Variants in EPHA6 observed in about 807,000 individuals in gnomAD.
EPHA6 encodes the protein EPH receptor A6.
Under a neutral mutation model 112.0 loss-of-function variants are expected in EPHA6, and 50 were observed. The observed-to-expected ratio is 0.45, with a 90% CI of 0.36 to 0.56. EPHA6 has a LOEUF of 0.56. Among genes scored for constraint, EPHA6 ranks in the 20% least tolerant of loss-of-function variants. The pLI is 0.00. For synonymous variants in EPHA6, 529 were observed against 490.7 expected, an observed-to-expected ratio of 1.08 and a Z score of -1.03; for missense variants, 1,280 against 1,417.4, an observed-to-expected ratio of 0.90 and a Z score of 1.56.
At chr3:97,276,280 G>A (rs2080076710) in intron 5 of EPHA6, among the ~76,000 whole-genome samples, 3 of 152,182 alleles carry the variant, frequency 2.0e-5, no homozygotes, top group African/African-American at 7.2e-5. Context: ...GAAGGAGTCA[G>A]TCAGAGAGCC....
intron 3 of EPHA6, among the ~76,000 whole-genome samples, chr3:97,114,025 G>A (rs542173934): frequency 3.9e-5 from 6 of 152,100 alleles, no homozygotes; most frequent in Admixed American, 2.6e-4. Context: ...TCCTGATCAC[G>A]AGGAGGAGGT....
chr3:97,342,038 T>G (rs2083330551), intron 5 of EPHA6, among the ~76,000 whole-genome samples: 1 of 152,134 alleles, frequency 6.6e-6, no homozygotes, highest in Admixed American at 6.5e-5. Flanking sequence ...GAGAGAGGAA[T>G]AGCAGGATAT....
intron 2 of EPHA6, among the ~76,000 whole-genome samples, chr3:96,882,527 C>T (rs1323536562): frequency 6.6e-6 from 1 of 152,078 alleles, no homozygotes; most frequent in East Asian, 1.9e-4. Flanking sequence ...ACCATTCCCC[C>T]CAAGTCCCCA....
intron 1 of EPHA6, among the ~76,000 whole-genome samples, chr3:96,817,186 C>T (rs1325434195): frequency 6.6e-6 from 1 of 151,924 alleles, no homozygotes; most frequent in East Asian, 1.9e-4. Flanking sequence ...GAATTTTTAT[C>T]AGACACAAAT....
chr3:96,873,166 G>T lies in EPHA6; in HGVS notation c.450+6277G>T, dbSNP rs148587216. 3.1e-3 allele frequency among the ~76,000 whole-genome samples: 468 copies of T among 152,072 alleles called. 1 individual carries two copies. Among genetic ancestry groups the T allele is most frequent in the Non-Finnish European group, 4.9e-3 (336 of 67,966 alleles). ...TGTAATCCTAGCTACTCAGGAGGCT[G>T]AGGCTGGAGAATCACTTGAATTGGG... On this transcript the variant is annotated intron_variant, in intron 2 of 17. Transcript: ENST00000389672.
chr3:96,948,684 A>C (rs536982524), intron 2 of EPHA6, among the ~76,000 whole-genome samples: 20 of 152,174 alleles, frequency 1.3e-4, no homozygotes, highest in Non-Finnish European at 2.8e-4. Flanking sequence ...CAAGCTCAAG[A>C]CTCAAGAAAT....
At chr3:97,080,561 A>G (rs566049170) in intron 3 of EPHA6, among the ~76,000 whole-genome samples, 1 of 152,110 alleles carries the variant, frequency 6.6e-6, no homozygotes, top group South Asian at 2.1e-4. Context: ...AACACTTATA[A>G]GAACAGAAAT....
intron 2 of EPHA6, among the ~76,000 whole-genome samples, chr3:96,961,313 G>A (rs2041942003): frequency 6.6e-6 from 1 of 152,172 alleles, no homozygotes; most frequent in Non-Finnish European, 1.5e-5. Flanking sequence ...TTATCCATCT[G>A]TCACTTACTT....
At chr3:97,329,961 T>G (rs1412533438) in intron 5 of EPHA6, among the ~76,000 whole-genome samples, 30 of 152,206 alleles carry the variant, frequency 2.0e-4, no homozygotes, top group Admixed American at 1.7e-3. Context: ...GTATAACATT[T>G]AAGTCTTTAA....
intron 3 of EPHA6, among the ~76,000 whole-genome samples, chr3:97,030,974 C>A (rs531241690): frequency 6.6e-6 from 1 of 151,718 alleles, no homozygotes; most frequent in South Asian, 2.1e-4. Flanking sequence ...TAAAGAATAC[C>A]GATTGATCAT....
rs1197170957 is a variant in EPHA6, at chr3:97,434,887, TC to T, written c.1732-13680del. ...CTCTCTCACCTCTCTTTCTTGCCCT[TC>T]TTCCCACCCTCCCTACCCCTTATTC... On this transcript the variant is annotated intron_variant, in intron 6 of 17. Transcript: ENST00000389672. 6.6e-5 allele frequency among the ~76,000 whole-genome samples: 10 copies of T among 152,030 alleles called. No homozygotes were observed. The East Asian group carries it at 9.7e-4, about 15-fold the overall frequency.
intron 3 of EPHA6, among the ~76,000 whole-genome samples, chr3:97,122,082 A>G (rs1326318602): frequency 6.6e-6 from 1 of 152,110 alleles, no homozygotes; most frequent in African/African-American, 2.4e-5. Context: ...CGTGCCCTCA[A>G]TAACAAATAC....
At chr3:97,745,211 T>C in intron 16 of EPHA6, 1 of 279,004 alleles carries the variant, frequency 3.6e-6, no homozygotes, top group South Asian at 3.3e-5. Context: ...TATTATTTTG[T>C]ATTTTACATA....
chr3:97,600,175 A>G (rs1468644352), intron 12 of EPHA6, among the ~76,000 whole-genome samples: 1 of 150,720 alleles, frequency 6.6e-6, no homozygotes, highest in Non-Finnish European at 1.5e-5. Flanking sequence ...GGCTGAGACA[A>G]TGGGGTTTTC....
At chr3:97,632,117 T>C (rs983892350) in intron 13 of EPHA6, among the ~76,000 whole-genome samples, 1 of 152,068 alleles carries the variant, frequency 6.6e-6, no homozygotes, top group African/African-American at 2.4e-5. Context: ...ACTTCAGTAC[T>C]TCTTGTTCAT....
intron 5 of EPHA6, among the ~76,000 whole-genome samples, chr3:97,334,314 A>G (rs1559895530): frequency 6.6e-6 from 1 of 152,074 alleles, no homozygotes; most frequent in Non-Finnish European, 1.5e-5. Context: ...TGAGTTAAAA[A>G]GCATTCTCTA....
At chr3:97,217,811 G>C (rs1198465054) in intron 3 of EPHA6, among the ~76,000 whole-genome samples, 1 of 152,208 alleles carries the variant, frequency 6.6e-6, no homozygotes, top group Admixed American at 6.5e-5. Flanking sequence ...TGGAAAAATA[G>C]ATGTGAGTCC....
At chr3:97,032,299 G>A (rs1037164444) in intron 3 of EPHA6, among the ~76,000 whole-genome samples, 3 of 152,010 alleles carry the variant, frequency 2.0e-5, no homozygotes, top group Non-Finnish European at 4.4e-5. Flanking sequence ...GGACTGTTGT[G>A]GGGTGGGAGA....
At chr3:96,816,889 T>C (rs1238057283) in intron 1 of EPHA6, among the ~76,000 whole-genome samples, 1 of 152,062 alleles carries the variant, frequency 6.6e-6, no homozygotes, top group Non-Finnish European at 1.5e-5. Context: ...GCTTATCTAT[T>C]TTAATGACTT....
Sources: gnomAD v4.1 joint callset for allele counts (sites outside exome capture counted in the v4.1 genomes callset) on GRCh38, gnomAD v4.1.1 for gene constraint, MANE v1.5 for transcripts, NCBI Gene and HGNC (gene_info 2026-07-23, HGNC 2026-07-21) for gene names.